PLCB1: variants seen among roughly 807,000 people sequenced by gnomAD.
PLCB1 encodes phospholipase C beta 1, also known as 1-phosphatidylinositol 4,5-bisphosphate phosphodiesterase beta-1.
PLCB1 carries 46 observed loss-of-function variants against 161.8 expected under a neutral mutation model. The ratio of observed to expected loss-of-function variants is 0.28; its 90% CI spans 0.22 to 0.36. PLCB1 has a LOEUF of 0.36. PLCB1 is among the 10% of genes least tolerant of loss of function. The pLI is 1.00. For synonymous variants in PLCB1, 517 were observed against 503.7 expected, an observed-to-expected ratio of 1.03 and a Z score of -0.35; for missense variants, 1,016 against 1,472.5, an observed-to-expected ratio of 0.69 and a Z score of 5.07.
At chr20:8,176,800 A>G (rs564686515) in intron 2 of PLCB1, among the ~76,000 whole-genome samples, 10 of 152,322 alleles carry the variant, frequency 6.6e-5, no homozygotes, top group African/African-American at 2.4e-4. Context: ...TTACAACTGC[A>G]TATGAAATCT....
intron 7 of PLCB1, 42 bp downstream of exon 7, chr20:8,649,491 T>G: frequency 7.2e-7 from 1 of 1,389,110 alleles, no homozygotes; most frequent in Non-Finnish European, 1.0e-6. Context: ...GTTCAGCCCC[T>G]CCAAAACTCA....
At position 8,783,593 on chromosome 20, in the gene PLCB1, A is replaced by G. The variant is rs137884501; in HGVS notation, c.3112-4856A>G. ...TATTCTTTTGATTGCAAGCCACAGAATTCCATGCTGGACTAACTTAGGCCA... is the reference window on the plus strand; with the variant it reads ...TATTCTTTTGATTGCAAGCCACAGAGTTCCATGCTGGACTAACTTAGGCCA... On this transcript the variant is annotated intron_variant, in intron 27 of 31. Coordinates refer to ENST00000338037, the MANE Select transcript of PLCB1 (RefSeq NM_015192.4). Among the ~76,000 whole-genome samples the G allele has an allele frequency of 7.9e-5, 12 of 152,298 alleles. No homozygotes were observed. In the East Asian group the frequency reaches 2.3e-3, roughly 29 times the overall value.
chr20:8,600,483 A>G (rs2123137942), intron 3 of PLCB1, among the ~76,000 whole-genome samples: 1 of 150,456 alleles, frequency 6.6e-6, no homozygotes, highest in Non-Finnish European at 1.5e-5. Flanking sequence ...GCGTGCTGGG[A>G]GAACCACTGC....
At chr20:8,662,368 T>C (rs1354760371) in intron 9 of PLCB1, among the ~76,000 whole-genome samples, 1 of 129,074 alleles carries the variant, frequency 7.7e-6, no homozygotes, top group Non-Finnish European at 1.5e-5. Context: ...TTATTTATTA[T>C]ATAATTATGT....
At chr20:8,760,596 C>A in intron 25 of PLCB1, 136 bp downstream of exon 25, 1 of 590,730 alleles carries the variant, frequency 1.7e-6, no homozygotes, top group Non-Finnish European at 3.0e-6. Flanking sequence ...AATCTAGAGA[C>A]ATACACTTTT....
At chr20:8,461,325 A>G (rs1981567596) in intron 3 of PLCB1, among the ~76,000 whole-genome samples, 1 of 152,148 alleles carries the variant, frequency 6.6e-6, no homozygotes, top group Non-Finnish European at 1.5e-5. Context: ...TAATAAAAAG[A>G]TTTGACTTTG....
At chr20:8,177,431 T>G (rs57183087) in intron 2 of PLCB1, among the ~76,000 whole-genome samples, 50,998 of 151,624 alleles carry the variant, frequency 0.34, 9,009 homozygotes, top group African/African-American at 0.45. Flanking sequence ...TATAATAGCC[T>G]ACCTGGACTA....
At position 8,224,370 on chromosome 20, in the gene PLCB1, A is replaced by T. The variant is rs552157263; in HGVS notation, c.177+73999A>T. 7.2e-5 allele frequency among the ~76,000 whole-genome samples: 9 copies of T among 125,402 alleles called. No homozygotes were observed. In the South Asian group the frequency reaches 2.4e-3, roughly 33 times the overall value. 82.3% of individuals were successfully genotyped at this position (125,402 alleles called of 152,430 possible). A position where few individuals can be genotyped will look rare whatever the true frequency, so the allele number is the denominator to read the frequency against. On this transcript the variant is annotated intron_variant, in intron 2 of 31. Transcript: ENST00000338037. ...ACTTTGAATTTTGAGAATAGACAAGACCTAAACATTAAAGTATTTTGCTTT... is the reference window on the plus strand; with the variant it reads ...ACTTTGAATTTTGAGAATAGACAAGTCCTAAACATTAAAGTATTTTGCTTT...
chr20:8,366,340 T>C (rs1330157103), intron 2 of PLCB1, among the ~76,000 whole-genome samples: 1 of 151,654 alleles, frequency 6.6e-6, no homozygotes, highest in Non-Finnish European at 1.5e-5. Context: ...TCAATAACTT[T>C]ACCACACTAA....
intron 3 of PLCB1, among the ~76,000 whole-genome samples, chr20:8,500,893 AG>A (rs1344833546): frequency 6.6e-6 from 1 of 152,206 alleles, no homozygotes; most frequent in East Asian, 1.9e-4. Flanking sequence ...TAGGGTGGTC[AG>A]GAGGCTTAAG....
chr20:8,488,338 C>T (rs572191555), intron 3 of PLCB1, among the ~76,000 whole-genome samples: 1 of 152,162 alleles, frequency 6.6e-6, no homozygotes, highest in East Asian at 1.9e-4. Flanking sequence ...AGGGATCAAG[C>T]TCATCTAGAT....
intron 3 of PLCB1, among the ~76,000 whole-genome samples, chr20:8,501,328 C>G (rs1346226142): frequency 6.6e-6 from 1 of 152,250 alleles, no homozygotes; most frequent in Non-Finnish European, 1.5e-5. Flanking sequence ...ATTGGATGAG[C>G]AGTAGACTGC....
At chr20:8,294,744 T>G (rs1983553049) in intron 2 of PLCB1, among the ~76,000 whole-genome samples, 1 of 151,512 alleles carries the variant, frequency 6.6e-6, no homozygotes, top group Non-Finnish European at 1.5e-5. Context: ...TCCTGTACAA[T>G]TAGACATTAC....
chr20:8,606,416 A>T (rs937135548), intron 3 of PLCB1, among the ~76,000 whole-genome samples: 19 of 152,168 alleles, frequency 1.2e-4, no homozygotes, highest in Admixed American at 1.2e-3. Context: ...GAAAGCCAGT[A>T]ACAGCATCTC....
intron 2 of PLCB1, among the ~76,000 whole-genome samples, chr20:8,339,614 C>T (rs559963513): frequency 1.8e-4 from 27 of 152,330 alleles, no homozygotes; most frequent in Non-Finnish European, 2.4e-4. Context: ...TTTTCTCTCA[C>T]GCCCAGTTCA....
chr20:8,428,236 T>TC (rs1460575266), intron 3 of PLCB1, among the ~76,000 whole-genome samples: 1 of 148,060 alleles, frequency 6.8e-6, no homozygotes, highest in Admixed American at 6.7e-5. Flanking sequence ...TTTTTTTTTT[T>TC]CTGTGACAGA....
At chr20:8,703,810 T>C (rs1306028734) in intron 11 of PLCB1, among the ~76,000 whole-genome samples, 1 of 152,064 alleles carries the variant, frequency 6.6e-6, no homozygotes, top group Non-Finnish European at 1.5e-5. Context: ...GGGCATGGAC[T>C]CCCTACAAGT....
At chr20:8,285,166 A>C (rs980477288) in intron 2 of PLCB1, among the ~76,000 whole-genome samples, 1 of 151,090 alleles carries the variant, frequency 6.6e-6, no homozygotes, top group African/African-American at 2.4e-5. Flanking sequence ...TATAAACCAG[A>C]TGCTTCACTT....
intron 31 of PLCB1, among the ~76,000 whole-genome samples, chr20:8,801,028 A>G (rs1383783609): frequency 1.3e-5 from 2 of 152,166 alleles, no homozygotes; most frequent in Non-Finnish European, 2.9e-5. Flanking sequence ...ACACAAGTTA[A>G]ATCAGGTCAC....
Sources: gnomAD v4.1 joint callset for allele counts (sites outside exome capture counted in the v4.1 genomes callset) on GRCh38, gnomAD v4.1.1 for gene constraint, MANE v1.5 for transcripts, NCBI Gene and HGNC (gene_info 2026-07-23, HGNC 2026-07-21) for gene names.